The following WDR72 variants were observed in gnomAD, a reference collection of about 807,000 sequenced individuals.
The protein encoded by WDR72 is WD repeat domain 72.
Under a neutral mutation model 124.2 loss-of-function variants are expected in WDR72, and 120 were observed. The ratio of observed to expected loss-of-function variants is 0.97; its 90% confidence interval spans 0.83 to 1.12. The LOEUF is 1.12. Among genes scored for constraint, WDR72 ranks in the 50% most tolerant of loss-of-function variants. The pLI is 0.00. For synonymous variants in WDR72, 452 were observed against 441.7 expected, an observed-to-expected ratio of 1.02 and a Z score of -0.29; for missense variants, 1,387 against 1,278.8, an observed-to-expected ratio of 1.08 and a Z score of -1.29.
Position 53,517,383 on chromosome 15 carries a change from G to C in WDR72, c.*316C>G, listed in dbSNP as rs1659826608. 2.9e-6 allele frequency: 1 copy of C among 344,646 alleles called. No homozygotes were observed. 21.3% of individuals were successfully genotyped at this position (344,646 alleles called of 1,614,324 possible). A position where few individuals can be genotyped will look rare whatever the true frequency, so the allele number is the denominator to read the frequency against. ...AAAGGATAGGAGAAAATTTAAAGCA[G>C]TATTAAATTTGTGTCTGTGGACTGG... On this transcript the variant is annotated 3_prime_UTR_variant, in exon 20 of 20. Coordinates refer to ENST00000360509, the MANE Select transcript of WDR72 (RefSeq NM_182758.4).
At chr15:53,555,318 C>T (rs567364715) in intron 18 of WDR72, among the ~76,000 whole-genome samples, 5 of 151,306 alleles carry the variant, frequency 3.3e-5, no homozygotes, top group African/African-American at 4.9e-5. Flanking sequence ...GGCGGACCCA[C>T]GAAAGACTTC....
intron 18 of WDR72, among the ~76,000 whole-genome samples, chr15:53,553,559 G>T (rs1302979618): frequency 6.6e-6 from 1 of 152,068 alleles, no homozygotes; most frequent in Non-Finnish European, 1.5e-5. Flanking sequence ...CCTAAACATT[G>T]GTCAAGGTAT....
At chr15:53,704,208 T>A (rs1004524812) in intron 11 of WDR72, among the ~76,000 whole-genome samples, 3 of 152,220 alleles carry the variant, frequency 2.0e-5, no homozygotes, top group Non-Finnish European at 4.4e-5. Context: ...TACATGCCAA[T>A]TAATAGGCAA....
chr15:53,579,772 T>C (rs148781769), intron 18 of WDR72, among the ~76,000 whole-genome samples: 6 of 152,174 alleles, frequency 3.9e-5, no homozygotes, highest in Non-Finnish European at 7.4e-5. Flanking sequence ...GTACCACTCA[T>C]ATGCCAAGTA....
At chr15:53,646,701 T>C (rs1030962608) in intron 14 of WDR72, among the ~76,000 whole-genome samples, 2 of 152,088 alleles carry the variant, frequency 1.3e-5, no homozygotes, top group African/African-American at 2.4e-5. Flanking sequence ...TAAACTTTCA[T>C]GGTTTTATAA....
At chr15:53,586,829 A>C (rs1243517211) in intron 18 of WDR72, among the ~76,000 whole-genome samples, 1 of 152,094 alleles carries the variant, frequency 6.6e-6, no homozygotes, top group Non-Finnish European at 1.5e-5. Flanking sequence ...CAAGGGAAAA[A>C]GCAAACATGG....
chr15:53,567,440 C>CA (rs1431580699), intron 18 of WDR72, among the ~76,000 whole-genome samples: 1 of 151,840 alleles, frequency 6.6e-6, no homozygotes, highest in Non-Finnish European at 1.5e-5. Flanking sequence ...ACAAAAAGCC[C>CA]AAAAAACAAA....
intron 1 of WDR72, among the ~76,000 whole-genome samples, chr15:53,755,759 G>A (rs189796752): frequency 3.9e-4 from 60 of 152,334 alleles, no homozygotes; most frequent in Non-Finnish European, 7.3e-4. Flanking sequence ...GGTAGAGAGC[G>A]CAGCAGAGGC....
Position 53,615,761 on chromosome 15 carries a change from G to A in WDR72, c.2445C>T (p.Cys815=). 6.2e-7 allele frequency: 1 copy of A among 1,613,484 alleles called. No individual in the cohort carries two copies. Among genetic ancestry groups the A allele is most frequent in the African/African-American group, 1.3e-5 (1 of 74,986 alleles). Residue 815 remains cysteine, a synonymous_variant, in exon 15 of 20, where the codon TGC becomes TGT. Coordinates refer to ENST00000360509, the MANE Select transcript of WDR72 (RefSeq NM_182758.4). ...WGVDKDLDYL[C]IKHLNILKLQ... is the part of the protein sequence containing the mutation. ...GCTTTAAAATATTGAGGTGCTTAAT[G>A]CAAAGATAATCTAAATCTTTATCCA... is the stretch of plus-strand genomic sequence containing the variant.
At chr15:53,605,904 GTC>G (rs2013261794) in intron 17 of WDR72, among the ~76,000 whole-genome samples, 1 of 152,154 alleles carries the variant, frequency 6.6e-6, no homozygotes, top group Non-Finnish European at 1.5e-5. Flanking sequence ...ACTTGCAAGA[GTC>G]TCTATTCTTC....
chr15:53,602,011 C>G (rs1328834010), intron 17 of WDR72, among the ~76,000 whole-genome samples: 1 of 152,070 alleles, frequency 6.6e-6, no homozygotes. Flanking sequence ...CTATAGAACT[C>G]TCCACCCAAA....
chr15:53,718,904 A>C (rs1344241770), intron 3 of WDR72, among the ~76,000 whole-genome samples: 2 of 148,714 alleles, frequency 1.3e-5, no homozygotes. Flanking sequence ...CAGCAGATGA[A>C]AGTGTCTACG....
intron 18 of WDR72, among the ~76,000 whole-genome samples, chr15:53,546,608 T>C (rs1053153861): frequency 2.2e-4 from 34 of 152,208 alleles, no homozygotes; most frequent in African/African-American, 7.7e-4. Context: ...GGCACATGTA[T>C]ACATATGTAA....
chr15:53,598,156 T>C (rs2012865716), intron 17 of WDR72, among the ~76,000 whole-genome samples: 1 of 152,162 alleles, frequency 6.6e-6, no homozygotes, highest in African/African-American at 2.4e-5. Flanking sequence ...TGGACACTGC[T>C]GATATAGACG....
chr15:53,684,902 C>A (rs962087833), intron 13 of WDR72, among the ~76,000 whole-genome samples: 1 of 152,182 alleles, frequency 6.6e-6, no homozygotes, highest in Admixed American at 6.5e-5. Flanking sequence ...GGTGCCTGAC[C>A]CCTGACCCCG....
chr15:53,638,984 GA>G (rs2014731320), intron 14 of WDR72, among the ~76,000 whole-genome samples: 1 of 150,084 alleles, frequency 6.7e-6, no homozygotes, highest in African/African-American at 2.4e-5. Flanking sequence ...GGCATCTCAA[GA>G]AAAAAAGAAA....
At chr15:53,696,877 T>G (rs186190221) in intron 13 of WDR72, among the ~76,000 whole-genome samples, 2 of 152,132 alleles carry the variant, frequency 1.3e-5, no homozygotes, top group Admixed American at 6.5e-5. Flanking sequence ...ATATAGAAAG[T>G]TGGGCCACCA....
At chr15:53,721,666 C>T (rs2017879749) in intron 3 of WDR72, among the ~76,000 whole-genome samples, 1 of 152,138 alleles carries the variant, frequency 6.6e-6, no homozygotes, top group Non-Finnish European at 1.5e-5. Context: ...ACAAGCTGGA[C>T]CTTGATTCCT....
intron 14 of WDR72, among the ~76,000 whole-genome samples, chr15:53,627,680 T>C (rs2014265476): frequency 6.6e-6 from 1 of 152,148 alleles, no homozygotes; most frequent in Admixed American, 6.5e-5. Flanking sequence ...CTCCTTAATA[T>C]TCTTATTGAA....
Sources: allele counts gnomAD v4.1 joint callset (sites outside exome capture counted in the v4.1 genomes callset), GRCh38; gene constraint gnomAD v4.1.1; transcripts MANE v1.5; gene names NCBI Gene and HGNC (gene_info 2026-07-23, HGNC 2026-07-21).